KCNIP4: variants seen among roughly 807,000 people sequenced by gnomAD.
KCNIP4 encodes the protein potassium voltage-gated channel interacting protein 4.
In KCNIP4, 12 loss-of-function variants were observed where a neutral mutation model predicts 34.0. The ratio of observed to expected loss-of-function variants is 0.35; its 90% confidence interval spans 0.23 to 0.57. The LOEUF (loss-of-function observed/expected upper bound fraction) is 0.57. KCNIP4 is among the 20% of genes least tolerant of loss of function. KCNIP4 has a pLI of 0.83. For synonymous variants in KCNIP4, 124 were observed against 102.2 expected, an observed-to-expected ratio of 1.21 and a Z score of -1.29; for missense variants, 238 against 311.7, an observed-to-expected ratio of 0.76 and a Z score of 1.78.
chr4:20,751,672 C>T (rs898571312), intron 4 of KCNIP4, among the ~76,000 whole-genome samples: 2 of 151,996 alleles, frequency 1.3e-5, no homozygotes, highest in East Asian at 1.9e-4. Flanking sequence ...CTCAAAACAA[C>T]GATGTTTGCT....
intron 3 of KCNIP4, among the ~76,000 whole-genome samples, chr4:20,777,171 T>C (rs1756447256): frequency 6.6e-6 from 1 of 152,126 alleles, no homozygotes; most frequent in Non-Finnish European, 1.5e-5. Context: ...TCAGAAAACT[T>C]AGGGCAGAAA....
intron 1 of KCNIP4, among the ~76,000 whole-genome samples, chr4:21,888,176 A>G (rs1261220936): frequency 6.6e-6 from 1 of 152,146 alleles, no homozygotes; most frequent in African/African-American, 2.4e-5. Flanking sequence ...CTGGGATTCA[A>G]TCTTTGCTCT....
intron 1 of KCNIP4, among the ~76,000 whole-genome samples, chr4:21,643,503 A>C (rs1004373729): frequency 5.9e-5 from 9 of 152,178 alleles, no homozygotes; most frequent in African/African-American, 2.2e-4. Context: ...GGTTAATTTT[A>C]TATGTTAACA....
chr4:21,567,404 G>T (rs1049567989), intron 1 of KCNIP4, among the ~76,000 whole-genome samples: 1 of 151,958 alleles, frequency 6.6e-6, no homozygotes, highest in African/African-American at 2.4e-5. Flanking sequence ...GGGGCCCATT[G>T]TCCTCCCTGC....
intron 1 of KCNIP4, among the ~76,000 whole-genome samples, chr4:21,809,820 C>T (rs1033932393): frequency 6.6e-5 from 10 of 152,164 alleles, no homozygotes; most frequent in African/African-American, 2.4e-4. Flanking sequence ...ATTTGTAGAG[C>T]ATCTCTGACA....
At chr4:21,609,154 G>C (rs1240110979) in intron 1 of KCNIP4, among the ~76,000 whole-genome samples, 1 of 152,138 alleles carries the variant, frequency 6.6e-6, no homozygotes, top group Non-Finnish European at 1.5e-5. Flanking sequence ...AGGAAGAACA[G>C]GAATGGATAG....
At chr4:21,857,012 A>G (rs138151141) in intron 1 of KCNIP4, among the ~76,000 whole-genome samples, 2,119 of 152,208 alleles carry the variant, frequency 0.014, 46 homozygotes, top group African/African-American at 0.048. Context: ...TCTTGGCATC[A>G]TGAACAGTGG....
intron 1 of KCNIP4, among the ~76,000 whole-genome samples, chr4:21,726,468 T>C (rs1326761451): frequency 6.6e-6 from 1 of 152,166 alleles, no homozygotes; most frequent in African/African-American, 2.4e-5. Context: ...AACTATGGGA[T>C]GACCTAGAGC....
At chr4:21,238,642 A>C (rs1759557029) in intron 1 of KCNIP4, among the ~76,000 whole-genome samples, 2 of 152,164 alleles carry the variant, frequency 1.3e-5, no homozygotes, top group South Asian at 4.1e-4. Flanking sequence ...CTTCAAAGAG[A>C]ATAAAATACC....
chr4:21,353,165 T>G (rs567066918), intron 1 of KCNIP4, among the ~76,000 whole-genome samples: 56 of 152,040 alleles, frequency 3.7e-4, no homozygotes, highest in African/African-American at 1.3e-3. Flanking sequence ...AGACCAAAGG[T>G]AGATAAAACC....
At chr4:21,565,676 A>G (rs1241865777) in intron 1 of KCNIP4, among the ~76,000 whole-genome samples, 1 of 152,176 alleles carries the variant, frequency 6.6e-6, no homozygotes, top group Non-Finnish European at 1.5e-5. Flanking sequence ...TAGCTATTCA[A>G]TAATCATTTA....
intron 1 of KCNIP4, among the ~76,000 whole-genome samples, chr4:21,617,666 A>G (rs1019647233): frequency 2.0e-5 from 3 of 152,326 alleles, no homozygotes; most frequent in Admixed American, 6.5e-5. Flanking sequence ...GACAAGCACC[A>G]GTTTTCAATC....
At chr4:20,826,925 C>G (rs1717838264) in intron 3 of KCNIP4, among the ~76,000 whole-genome samples, 1 of 152,108 alleles carries the variant, frequency 6.6e-6, no homozygotes, top group South Asian at 2.1e-4. Flanking sequence ...TTGAATAAAG[C>G]CTGTGATAGA....
At chr4:21,259,637 T>G (rs745592190) in intron 1 of KCNIP4, among the ~76,000 whole-genome samples, 7 of 152,220 alleles carry the variant, frequency 4.6e-5, no homozygotes, top group African/African-American at 9.6e-5. Flanking sequence ...TTGAGCATGA[T>G]GGATACAGCA....
intron 1 of KCNIP4, among the ~76,000 whole-genome samples, chr4:21,282,235 C>A (rs77751465): frequency 3.4e-4 from 52 of 152,068 alleles, no homozygotes; most frequent in Non-Finnish European, 4.1e-4. Context: ...ATTTTTCTTA[C>A]GTTAATTCAT....
intron 1 of KCNIP4, among the ~76,000 whole-genome samples, chr4:21,589,792 T>A (rs1444948640): frequency 6.6e-6 from 1 of 151,940 alleles, no homozygotes. Context: ...ACCAAGTATG[T>A]TTTTTTCTCC....
intron 1 of KCNIP4, among the ~76,000 whole-genome samples, chr4:20,902,729 A>G (rs1727293837): frequency 6.6e-6 from 1 of 152,106 alleles, no homozygotes; most frequent in Admixed American, 6.5e-5. Flanking sequence ...CATGTTGGCC[A>G]GGCTGGTCTT....
At chr4:20,781,757 C>T (rs147502453) in intron 3 of KCNIP4, among the ~76,000 whole-genome samples, 4,882 of 152,168 alleles carry the variant, frequency 0.032, 227 homozygotes, top group African/African-American at 0.1. Flanking sequence ...CAGAGCCAAA[C>T]CATATCATTC....
chr4:21,683,895 T>C (rs1020735662), intron 1 of KCNIP4, among the ~76,000 whole-genome samples: 1 of 152,112 alleles, frequency 6.6e-6, no homozygotes, highest in African/African-American at 2.4e-5. Context: ...AGACTGTACG[T>C]GTTCTCACTT....
Sources: gnomAD v4.1 joint callset for allele counts (sites outside exome capture counted in the v4.1 genomes callset) on GRCh38, gnomAD v4.1.1 for gene constraint, MANE v1.5 for transcripts, NCBI Gene and HGNC (gene_info 2026-07-23, HGNC 2026-07-21) for gene names.